BBS2: variants seen among roughly 807,000 people sequenced by gnomAD.
BBS2 encodes BBSome complex member BBS2.
Under a neutral mutation model 83.0 loss-of-function variants are expected in BBS2, and 62 were observed. The ratio of observed to expected loss-of-function variants is 0.75; its 90% CI spans 0.61 to 0.92. The LOEUF is 0.92. Ranked by LOEUF, BBS2 falls within the 40% of genes least tolerant of loss-of-function variation. BBS2 has a pLI of 0.00. For synonymous variants in BBS2, 303 were observed against 326.1 expected (o/e 0.93, Z 0.76); for missense variants, 784 against 901.0 (o/e 0.87, Z 1.66).
chr16:56,504,176 T>C (rs1964360892), intron 7 of BBS2, among the ~76,000 whole-genome samples: 1 of 152,110 alleles, frequency 6.6e-6, no homozygotes, highest in Non-Finnish European at 1.5e-5. Context: ...AGCCTGAAAA[T>C]TATGAATGCT....
chr16:56,482,037 G>A (rs1317550866), downstream of BBS2, among the ~76,000 whole-genome samples: 3 of 152,166 alleles, frequency 2.0e-5, no homozygotes, highest in Non-Finnish European at 4.4e-5. Context: ...TCTTGCTGCA[G>A]GTCAATGCCT....
In BBS2 at chr16:56,473,180, C is replaced by T. The variant is rs138799895; in HGVS notation, c.*1-2485G>A. ...CTCTTGACCTCATGATCCGCCCACC[C>T]TGGCCTCCCAAAGTGCTGGGATTAC... On this transcript the variant is annotated intron_variant, in intron 17 of 17. Transcript: ENST00000682047. Among the ~76,000 whole-genome samples, 549 of 152,194 alleles carry T rather than the reference C, an allele frequency of 3.6e-3. 3 individuals are homozygous for T. Among genetic ancestry groups the T allele is most frequent in the African/African-American group, 0.012 (510 of 41,540 alleles).
intron 17 of BBS2, chr16:56,475,936 TC>T: frequency 2.0e-6 from 2 of 1,000,232 alleles, no homozygotes; most frequent in Non-Finnish European, 1.5e-6. Context: ...GACCCCTCTA[TC>T]CCCAGATTAA....
intron 17 of BBS2, chr16:56,470,792 G>A: frequency 6.3e-7 from 1 of 1,581,268 alleles, no homozygotes; most frequent in Non-Finnish European, 8.6e-7. Flanking sequence ...ACAAAGAAAG[G>A]TAAGCTGTTG....
chr16:56,475,069 A>G (rs1203335324), intron 17 of BBS2: 6 of 1,034,202 alleles, frequency 5.8e-6, no homozygotes, highest in African/African-American at 3.2e-5. Context: ...ATCTCACATC[A>G]TGGGATCTCA....
chr16:56,471,659 T>C (rs1963192626), intron 17 of BBS2, among the ~76,000 whole-genome samples: 2 of 152,130 alleles, frequency 1.3e-5, no homozygotes, highest in Non-Finnish European at 2.9e-5. Context: ...AGACAAGGGG[T>C]GGATACTTGT....
chr16:56,472,765 T>A (rs1466482617), intron 17 of BBS2, among the ~76,000 whole-genome samples: 1 of 152,210 alleles, frequency 6.6e-6, no homozygotes, highest in Non-Finnish European at 1.5e-5. Context: ...TACACATCTA[T>A]TTTTAATGAG....
At chr16:56,475,279 T>G (rs760424131) in intron 17 of BBS2, among the ~76,000 whole-genome samples, 1 of 152,244 alleles carries the variant, frequency 6.6e-6, no homozygotes, top group Admixed American at 6.5e-5. Flanking sequence ...TCAAAGTTTA[T>G]TGAAATAAGA....
chr16:56,506,733 A>C (rs889452648), intron 5 of BBS2, among the ~76,000 whole-genome samples: 2 of 152,230 alleles, frequency 1.3e-5, no homozygotes, highest in East Asian at 3.8e-4. Context: ...TAAAAGAAAG[A>C]ACACATAATC....
intron 17 of BBS2, among the ~76,000 whole-genome samples, chr16:56,471,197 C>CAA (rs61143039): frequency 3.7e-4 from 49 of 132,946 alleles, no homozygotes; most frequent in East Asian, 6.5e-4. Context: ...ACTAAAAATA[C>CAA]AAAAAAAAAA....
exon 18 of BBS2, chr16:56,470,444 C>T: frequency 1.3e-6 from 2 of 1,526,074 alleles, no homozygotes; most frequent in Non-Finnish European, 1.8e-6. Context: ...AGTCATTTTA[C>T]ATCTGTGGCT....
At chr16:56,489,693 G>A (rs367635874) in intron 15 of BBS2, among the ~76,000 whole-genome samples, 87 of 152,070 alleles carry the variant, frequency 5.7e-4, no homozygotes, top group African/African-American at 1.9e-3. Context: ...CCAGCTACTC[G>A]GGAGGCTGAA....
At chr16:56,494,617 A>C (rs776826751) in intron 15 of BBS2, among the ~76,000 whole-genome samples, 3 of 152,196 alleles carry the variant, frequency 2.0e-5, no homozygotes, top group Non-Finnish European at 4.4e-5. Context: ...CCATGTCCAA[A>C]GGTAACTGTA....
Position 56,485,721 on chromosome 16 carries a change from C to T in BBS2, c.1928G>A (p.Arg643His), listed in dbSNP as rs532361142. 56 of 1,613,822 alleles carry T rather than the reference C, an allele frequency of 3.5e-5. No homozygotes were observed. The highest frequency in any genetic ancestry group is 4.4e-5 in the South Asian group (4 of 91,068). ...ATTAAGGTCATAGAGTTCCATATAA[C>T]GACTCTTCATTGTTTTCCTGTGCAA... ...LMRDMKTMKS[R>H]YMELYDLNRD... The change falls in exon 16 of 17, where the codon CGT (arginine) becomes CAT (histidine). Residue 643 changes from arginine to histidine, a missense_variant. Arg to His is a conservative substitution (Grantham distance 29). Coordinates refer to ENST00000245157, the MANE Select transcript of BBS2 (RefSeq NM_031885.5).
chr16:56,511,456 A>G (rs1964574910), intron 2 of BBS2, among the ~76,000 whole-genome samples, 172 bp from the exon 3 acceptor site: 1 of 152,198 alleles, frequency 6.6e-6, no homozygotes, highest in South Asian at 2.1e-4. Flanking sequence ...ATAATAATCT[A>G]CTTTACTATT....
chr16:56,515,795 A>G (rs1474369547), intron 1 of BBS2, among the ~76,000 whole-genome samples: 1 of 152,216 alleles, frequency 6.6e-6, no homozygotes, highest in East Asian at 1.9e-4. Context: ...GCCTTGGTCA[A>G]TGTTAATTGC....
rs1964299245 is a variant in BBS2 at position 56,502,369 on chromosome 16, T to C, written c.1028A>G (p.Gln343Arg). ...TTCCAGCAACAGATTCTGCTTCTTC[T>C]GACTCAGCTCTCGGATCAGGTCCTG... ...AEQDLIRELSQKKQNLLLELR... is the reference protein window; with the variant it reads ...AEQDLIRELSRKKQNLLLELR... The change falls in exon 9 of 17, where the codon CAG becomes CGG. Residue 343 changes from glutamine to arginine, a missense_variant. Transcript: ENST00000245157. 1 of 1,614,138 alleles carries C rather than the reference T, an allele frequency of 6.2e-7. No individual in the cohort carries two copies. The highest frequency in any genetic ancestry group is 1.3e-5 in the African/African-American group (1 of 74,946).
intron 17 of BBS2, chr16:56,478,890 G>A (rs1963588950): frequency 6.6e-6 from 1 of 152,188 alleles, no homozygotes; most frequent in Non-Finnish European, 1.5e-5. Context: ...GATTGTGAAG[G>A]ATGGTGTAAC....
intron 9 of BBS2, chr16:56,501,848 G>A (rs1350135649): frequency 8.1e-6 from 3 of 370,276 alleles, no homozygotes; most frequent in Non-Finnish European, 1.5e-5. Flanking sequence ...GAATATTTCA[G>A]CCAGTTTGCT....
Sources: allele counts gnomAD v4.1 joint callset (sites outside exome capture counted in the v4.1 genomes callset), GRCh38; gene constraint gnomAD v4.1.1; transcripts MANE v1.5; gene names NCBI Gene and HGNC (gene_info 2026-07-23, HGNC 2026-07-21).